Variants in TRHDE observed in about 807,000 individuals in gnomAD.
TRHDE encodes thyrotropin-releasing hormone-degrading ectoenzyme.
In TRHDE, 72 loss-of-function variants were observed where a neutral mutation model predicts 125.7. That is an observed-to-expected ratio of 0.57 (90% CI 0.47 to 0.70). The LOEUF is 0.70. Ranked by LOEUF, TRHDE falls within the 30% of genes least tolerant of loss-of-function variation. The pLI, the probability that TRHDE is intolerant of heterozygous loss-of-function variation, is 0.00. For missense variants in TRHDE, 1,110 were observed against 1,327.1 expected (o/e 0.84, Z 2.54); for synonymous variants, 509 against 509.1 (o/e 1.00, Z 0.00).
intron 5 of TRHDE, among the ~76,000 whole-genome samples, chr12:72,478,178 C>G (rs1876987339): frequency 6.6e-6 from 1 of 152,260 alleles, no homozygotes; most frequent in South Asian, 2.1e-4. Context: ...ATTTTATTCT[C>G]AAATGACTGA....
At chr12:72,408,880 G>A (rs981530097) in intron 3 of TRHDE, among the ~76,000 whole-genome samples, 1 of 152,106 alleles carries the variant, frequency 6.6e-6, no homozygotes. Context: ...AAGCCATGGA[G>A]GGCAGAAAGA....
Position 72,286,928 on chromosome 12 carries a change from G to A in TRHDE, c.1162G>A (p.Glu388Lys). Residue 388 changes from glutamate (E) to lysine (K), a missense_variant, in exon 2 of 19, where the codon GAA (glutamate) becomes AAA (lysine). Transcript: ENST00000261180. ...GGCAATTTGCAACTTCACATACAGAGAAACTACCACCAAGAGTGGGGTTGT... is the reference window on the plus strand; with the variant it reads ...GGCAATTTGCAACTTCACATACAGAAAAACTACCACCAAGAGTGGGGTTGT... Reference protein sequence around the residue: ...AWAICNFTYRETTTKSGVVVR... With the variant: ...AWAICNFTYRKTTTKSGVVVR... 1 of 1,613,854 alleles carries A rather than the reference G, an allele frequency of 6.2e-7. No homozygotes were observed. The highest frequency in any genetic ancestry group is 8.5e-7 in the Non-Finnish European group (1 of 1,179,958).
chr12:72,254,210 T>C (rs562656179), intron 2 of TRHDE: 5 of 152,242 alleles, frequency 3.3e-5, no homozygotes, highest in Middle Eastern at 6.8e-3. Flanking sequence ...CTATTCATTC[T>C]ATCTCATTTT....
In TRHDE at chr12:72,189,841, A is replaced by G. The variant is rs142517468; in HGVS notation, n.279+84089A>G. Reference sequence around the variant, plus strand: ...CTGCAGCTGGTCAAAGCTTCAGTGCAAAGCTCTGCCACTTAGTCCTATGAG... The same window carrying G: ...CTGCAGCTGGTCAAAGCTTCAGTGCGAAGCTCTGCCACTTAGTCCTATGAG... On this transcript the variant is annotated intron_variant and non_coding_transcript_variant, in intron 2 of 4. Transcript: ENST00000548156. Among the ~76,000 whole-genome samples the G allele has an allele frequency of 6.8e-4, 103 of 152,284 alleles. 1 individual carries two copies. The East Asian group carries it at 0.016, about 24-fold the overall frequency.
intron 2 of TRHDE, among the ~76,000 whole-genome samples, chr12:72,128,084 A>G (rs1875766988): frequency 6.6e-6 from 1 of 152,140 alleles, no homozygotes; most frequent in Non-Finnish European, 1.5e-5. Context: ...ATCAGAGCAT[A>G]TGTATGAAGG....
intron 15 of TRHDE, among the ~76,000 whole-genome samples, chr12:72,639,406 C>T (rs544748594): frequency 6.7e-4 from 102 of 152,176 alleles, no homozygotes; most frequent in African/African-American, 2.3e-3. Context: ...ATACATTCTT[C>T]TAAACTTTTT....
chr12:72,265,412 G>A (rs1231772712), intron 2 of TRHDE, among the ~76,000 whole-genome samples: 1 of 151,888 alleles, frequency 6.6e-6, no homozygotes, highest in African/African-American at 2.4e-5. Context: ...AAAATGGTAT[G>A]TTGGTGTAGC....
chr12:72,391,190 A>G (rs1872599132), intron 3 of TRHDE, among the ~76,000 whole-genome samples: 1 of 152,204 alleles, frequency 6.6e-6, no homozygotes, highest in Admixed American at 6.5e-5. Flanking sequence ...GTTTTAAATG[A>G]AAAATGTACT....
intron 15 of TRHDE, among the ~76,000 whole-genome samples, chr12:72,639,927 A>C (rs1378267645): frequency 6.7e-6 from 1 of 150,216 alleles, no homozygotes; most frequent in South Asian, 2.1e-4. Flanking sequence ...AGGGACACTT[A>C]AGTCTGTAGA....
chr12:72,246,968 A>C (rs1402050878), intron 2 of TRHDE, among the ~76,000 whole-genome samples: 2 of 152,220 alleles, frequency 1.3e-5, no homozygotes, highest in Admixed American at 1.3e-4. Flanking sequence ...TGATTAATTC[A>C]ATTCAACTTT....
At chr12:72,276,846 G>A (rs1879506062) in intron 1 of TRHDE, among the ~76,000 whole-genome samples, 1 of 152,188 alleles carries the variant, frequency 6.6e-6, no homozygotes, top group Non-Finnish European at 1.5e-5. Context: ...GTGTGCAGCA[G>A]GCAGATAAAA....
At chr12:72,603,060 A>G (rs1872271865) in intron 12 of TRHDE, among the ~76,000 whole-genome samples, 1 of 152,202 alleles carries the variant, frequency 6.6e-6, no homozygotes, top group South Asian at 2.1e-4. Flanking sequence ...TGTGAGTTCA[A>G]AGAGTTCAGA....
At chr12:72,271,839 G>A (rs1879225095), upstream of TRHDE, 1 of 445,220 alleles carries the variant, frequency 2.2e-6, no homozygotes, top group Non-Finnish European at 4.5e-6. Context: ...GGGATGGCCC[G>A]GCCGGACACT....
At chr12:72,116,368 A>G (rs536544628) in intron 2 of TRHDE, among the ~76,000 whole-genome samples, 3 of 152,268 alleles carry the variant, frequency 2.0e-5, no homozygotes, top group South Asian at 2.1e-4. Context: ...TCTTTTGGGT[A>G]TATACACAGT....
intron 12 of TRHDE, among the ~76,000 whole-genome samples, chr12:72,582,797 G>T (rs1247824827): frequency 6.6e-6 from 1 of 152,082 alleles, no homozygotes; most frequent in African/African-American, 2.4e-5. Context: ...ACTGAAAACT[G>T]CCATGAAAAA....
chr12:72,308,067 T>G (rs558558674), intron 2 of TRHDE, among the ~76,000 whole-genome samples: 1 of 152,132 alleles, frequency 6.6e-6, no homozygotes, highest in African/African-American at 2.4e-5. Flanking sequence ...AGACTGAAAG[T>G]GTATTTTTTG....
At position 72,188,089 on chromosome 12, in the gene TRHDE, G is replaced by A. The variant is rs148306665; in HGVS notation, n.279+82337G>A. Among the ~76,000 whole-genome samples, 122 of 152,304 alleles carry A rather than the reference G, an allele frequency of 8.0e-4. No individual in the cohort carries two copies. In the East Asian group the frequency reaches 0.014, roughly 17 times the overall value. On this transcript the variant is annotated intron_variant and non_coding_transcript_variant, in intron 2 of 4. Coordinates refer to the TRHDE transcript ENST00000548156. Reference sequence around the variant, plus strand: ...ATTAACAGTGATAATTCCTGATATTGCTCTTCAACAAAGCAACCATATAGA... The same window carrying A: ...ATTAACAGTGATAATTCCTGATATTACTCTTCAACAAAGCAACCATATAGA...
intron 3 of TRHDE, among the ~76,000 whole-genome samples, chr12:72,448,891 A>G (rs865934210): frequency 1.3e-5 from 2 of 152,020 alleles, no homozygotes; most frequent in Non-Finnish European, 2.9e-5. Context: ...TAACTCTGCA[A>G]AAATAATAGA....
At position 72,273,371 on chromosome 12, in the gene TRHDE, G is replaced by C; in HGVS notation, c.728G>C (p.Arg243Pro). ...AVEKVQLAED[R>P]AFGAVPVAGF... is the part of the protein sequence containing the mutation. ...GAGAAAGTGCAGCTGGCCGAGGACC[G>C]GGCGTTCGGGGCTGTCCCTGTAGCC... Residue 243 changes from arginine (R) to proline (P), a missense_variant, in exon 1 of 19, where the codon CGG (arginine) becomes CCG (proline). By Grantham distance (103) the Arg-to-Pro change is moderately radical. Around this residue, in one of 5 missense-constraint regions of TRHDE, gnomAD observed 72 missense variants for 122.2 expected, o/e 0.59. Transcript: ENST00000261180. The surrounding 1 kb of genome is among the most constrained non-coding windows in gnomAD (Gnocchi z 5.3). 13 of 1,614,160 alleles carry C rather than the reference G, an allele frequency of 8.1e-6. No individual in the cohort carries two copies. Among genetic ancestry groups the C allele is most frequent in the African/African-American group, 1.3e-5 (1 of 75,052 alleles).
Sources: allele counts gnomAD v4.1 joint callset (sites outside exome capture counted in the v4.1 genomes callset), GRCh38; gene constraint gnomAD v4.1.1; regional missense constraint gnomAD v4.1.1; non-coding constraint Gnocchi (gnomAD v3.1); transcripts MANE v1.5; gene names NCBI Gene and HGNC (gene_info 2026-07-23, HGNC 2026-07-21).